The following DENND1A variants were observed in gnomAD, a reference collection of about 807,000 sequenced individuals.
DENND1A encodes DENN domain-containing protein 1A.
A neutral mutation model predicts 113.7 loss-of-function variants in DENND1A; 51 were observed. That is an observed-to-expected ratio of 0.45 (90% confidence interval 0.36 to 0.57). The LOEUF is 0.57. Among genes scored for constraint, DENND1A ranks in the 20% least tolerant of loss-of-function variants. The pLI, the probability that DENND1A is intolerant of heterozygous loss-of-function variation, is 0.00. For synonymous variants in DENND1A, 565 were observed against 570.8 expected, an observed-to-expected ratio of 0.99 and a Z score of 0.14; for missense variants, 1,258 against 1,395.9, an observed-to-expected ratio of 0.90 and a Z score of 1.57.
chr9:123,777,296 C>A (rs1021739742), intron 3 of DENND1A, among the ~76,000 whole-genome samples: 1 of 152,226 alleles, frequency 6.6e-6, no homozygotes, highest in Non-Finnish European at 1.5e-5. Context: ...CAGGGCCACG[C>A]TGCTTGTTTT....
intron 13 of DENND1A, among the ~76,000 whole-genome samples, chr9:123,511,363 T>A (rs1440142199): frequency 6.6e-6 from 1 of 152,238 alleles, no homozygotes; most frequent in Non-Finnish European, 1.5e-5. Flanking sequence ...AGGTGCCATG[T>A]CAGGCACAGA....
At chr9:123,416,720 T>C (rs544044230) in intron 19 of DENND1A, among the ~76,000 whole-genome samples, 1 of 152,232 alleles carries the variant, frequency 6.6e-6, no homozygotes, top group Non-Finnish European at 1.5e-5. Flanking sequence ...GCCGGAGTTT[T>C]CTTCGATGGT....
intron 13 of DENND1A, among the ~76,000 whole-genome samples, chr9:123,509,249 G>C (rs376941486): frequency 6.6e-6 from 1 of 152,190 alleles, no homozygotes; most frequent in African/African-American, 2.4e-5. Context: ...GAAAAGAAGC[G>C]AGGCAAACAA....
intron 5 of DENND1A, among the ~76,000 whole-genome samples, chr9:123,711,370 G>A (rs1022999433): frequency 2.0e-5 from 3 of 151,444 alleles, no homozygotes. Flanking sequence ...AGAGGCTGAG[G>A]CAGGAGAATA....
At chr9:123,521,909 G>A (rs1421589502) in intron 13 of DENND1A, among the ~76,000 whole-genome samples, 3 of 152,120 alleles carry the variant, frequency 2.0e-5, no homozygotes, top group Non-Finnish European at 2.9e-5. Context: ...AAATGACAAC[G>A]CATGGGAAGT....
chr9:123,496,780 G>A (rs1352582078), intron 13 of DENND1A, among the ~76,000 whole-genome samples: 1 of 152,224 alleles, frequency 6.6e-6, no homozygotes, highest in Non-Finnish European at 1.5e-5. Flanking sequence ...TTATTGATGC[G>A]CTGGTACACG....
intron 13 of DENND1A, among the ~76,000 whole-genome samples, chr9:123,525,295 G>A (rs910301856): frequency 3.9e-5 from 6 of 152,290 alleles, no homozygotes; most frequent in South Asian, 4.1e-4. Context: ...CTGCTATTAG[G>A]TAGATTCTGG....
At chr9:123,476,904 G>A (rs2049961383) in intron 13 of DENND1A, among the ~76,000 whole-genome samples, 1 of 152,186 alleles carries the variant, frequency 6.6e-6, no homozygotes, top group Admixed American at 6.5e-5. Context: ...GACCCAGACG[G>A]TAGCATAAGA....
intron 5 of DENND1A, among the ~76,000 whole-genome samples, chr9:123,693,071 T>C (rs2065277271): frequency 6.6e-6 from 1 of 152,234 alleles, no homozygotes; most frequent in South Asian, 2.1e-4. Context: ...AACTTTGAAT[T>C]TTAATTTATA....
intron 5 of DENND1A, among the ~76,000 whole-genome samples, chr9:123,739,516 G>A (rs564069276): frequency 4.4e-4 from 67 of 152,162 alleles, no homozygotes; most frequent in African/African-American, 1.3e-3. Context: ...AAAGAAATGC[G>A]GTAACCAACA....
chr9:123,664,860 G>A (rs1589578231), intron 8 of DENND1A, among the ~76,000 whole-genome samples: 1 of 152,040 alleles, frequency 6.6e-6, no homozygotes, highest in East Asian at 1.9e-4. Context: ...ATGTCCCATG[G>A]CATTTTAAAA....
intron 5 of DENND1A, among the ~76,000 whole-genome samples, chr9:123,679,820 T>C (rs2064325046): frequency 6.6e-6 from 1 of 152,070 alleles, no homozygotes; most frequent in Admixed American, 6.5e-5. Flanking sequence ...TCCTTCCCAG[T>C]CCAAAGACAG....
At chr9:123,712,959 G>A (rs889422675) in intron 5 of DENND1A, among the ~76,000 whole-genome samples, 2 of 152,156 alleles carry the variant, frequency 1.3e-5, no homozygotes, top group African/African-American at 4.8e-5. Flanking sequence ...AAGTACAAAT[G>A]GGCCTTTAAA....
chr9:123,521,913 G>C (rs987545804), intron 13 of DENND1A, among the ~76,000 whole-genome samples: 2 of 152,176 alleles, frequency 1.3e-5, no homozygotes, highest in South Asian at 2.1e-4. Context: ...GACAACGCAT[G>C]GGAAGTGTCT....
intron 2 of DENND1A, among the ~76,000 whole-genome samples, chr9:123,794,491 A>C (rs1026993536): frequency 6.6e-6 from 1 of 152,170 alleles, no homozygotes; most frequent in Non-Finnish European, 1.5e-5. Flanking sequence ...TTCTTCAGCT[A>C]CCAAACTTCA....
intron 11 of DENND1A, among the ~76,000 whole-genome samples, chr9:123,588,283 C>CAAAAA (rs10640791): frequency 0.035 from 2,404 of 67,906 alleles, 42 homozygotes; most frequent in Non-Finnish European, 0.053. Flanking sequence ...AACTCTGTCT[C>CAAAAA]AAAAAAAAAA....
At chr9:123,650,962 T>C (rs924845390) in intron 9 of DENND1A, among the ~76,000 whole-genome samples, 3 of 119,714 alleles carry the variant, frequency 2.5e-5, no homozygotes, top group African/African-American at 6.2e-5. Context: ...GGATGATAAA[T>C]AGTTGAATAA....
intron 21 of DENND1A, among the ~76,000 whole-genome samples, chr9:123,396,889 G>A (rs911322167): frequency 6.6e-6 from 1 of 152,192 alleles, no homozygotes; most frequent in African/African-American, 2.4e-5. Context: ...CAATTCTTCA[G>A]AAAGTTATAC....
At chr9:123,755,673 G>A (rs556645087) in intron 5 of DENND1A, among the ~76,000 whole-genome samples, 5 of 152,120 alleles carry the variant, frequency 3.3e-5, no homozygotes, top group Admixed American at 6.5e-5. Context: ...CTTCTTCCTC[G>A]GTGTGAAGAT....
Sources: gnomAD v4.1 joint callset for allele counts (sites outside exome capture counted in the v4.1 genomes callset) on GRCh38, gnomAD v4.1.1 for gene constraint, MANE v1.5 for transcripts, NCBI Gene and HGNC (gene_info 2026-07-23, HGNC 2026-07-21) for gene names.